Variants in ABCG1 observed in about 807,000 individuals in gnomAD.
The protein encoded by ABCG1 is ATP-binding cassette sub-family G member 1.
In ABCG1, 29 loss-of-function variants were observed where a neutral mutation model predicts 69.2. The observed-to-expected ratio is 0.42, with a 90% CI of 0.31 to 0.57. The LOEUF (loss-of-function observed/expected upper bound fraction) is 0.57. ABCG1 is among the 20% of genes least tolerant of loss of function. The pLI, the probability that ABCG1 is intolerant of heterozygous loss-of-function variation, is 0.15. For synonymous variants in ABCG1, 370 were observed against 374.8 expected, an observed-to-expected ratio of 0.99 and a Z score of 0.15; for missense variants, 718 against 898.1, an observed-to-expected ratio of 0.80 and a Z score of 2.56.
intron 5 of ABCG1, among the ~76,000 whole-genome samples, chr21:42,277,923 A>C (rs1288973646): frequency 6.6e-6 from 1 of 152,158 alleles, no homozygotes; most frequent in Admixed American, 6.5e-5. Context: ...TTTGGTATGG[A>C]AAAAAAGAGT....
At chr21:42,294,445 T>TG in intron 13 of ABCG1, 97 bp from the exon 14 acceptor site, 1 of 927,224 alleles carries the variant, frequency 1.1e-6, no homozygotes. Flanking sequence ...GAAGGTGCCC[T>TG]GGCCCTGCCC....
chr21:42,223,820 G>A (rs1222685217), intron 1 of ABCG1, among the ~76,000 whole-genome samples: 1 of 152,240 alleles, frequency 6.6e-6, no homozygotes, highest in Non-Finnish European at 1.5e-5. Flanking sequence ...GATGGGTGGT[G>A]TGGTGGCCAT....
chr21:42,264,188 T>A (rs2068462209), intron 2 of ABCG1, among the ~76,000 whole-genome samples: 1 of 152,180 alleles, frequency 6.6e-6, no homozygotes, highest in South Asian at 2.1e-4. Context: ...ATTCCAGCGT[T>A]ATCTCCTTAT....
Position 42,291,689 on chromosome 21 carries a change from G to A in ABCG1, c.1653+33G>A. ...CCCAGGAGGCGCTAAGTGAGGGCAT[G>A]ACGGCTGGGCTTCCCTGAGCTACCT... On this transcript the variant is annotated intron_variant, in intron 13 of 14. Transcript: ENST00000398449. This position sits in a 1 kb window ranked among gnomAD's most constrained non-coding sequence, Gnocchi z 6.4. 6.4e-7 allele frequency: 1 copy of A among 1,564,628 alleles called. No individual in the cohort carries two copies. Among genetic ancestry groups the A allele is most frequent in the Non-Finnish European group, 8.6e-7 (1 of 1,161,046 alleles).
At chr21:42,282,194 G>A in intron 5 of ABCG1, 80 bp from the exon 6 acceptor site, 1 of 1,546,570 alleles carries the variant, frequency 6.5e-7, no homozygotes, top group Non-Finnish European at 8.8e-7. Flanking sequence ...AGGGCGGCTG[G>A]CAGGTCTTCC....
chr21:42,275,454 G>A (rs144611950), intron 4 of ABCG1, among the ~76,000 whole-genome samples: 202 of 152,288 alleles, frequency 1.3e-3, no homozygotes, highest in African/African-American at 4.3e-3. Context: ...AGTTTTTCTT[G>A]ACCCTAATGT....
rs2069052615 is a variant in ABCG1, at chr21:42,291,262, A to G, written c.1494+70A>G. 1 of 1,338,706 alleles carries G rather than the reference A, an allele frequency of 7.5e-7. No homozygotes were observed. Among genetic ancestry groups the G allele is most frequent in the African/African-American group, 1.4e-5 (1 of 69,452 alleles). 82.9% of individuals were successfully genotyped at this position (1,338,706 alleles called of 1,614,324 possible). ...TCCTGTACACCCTTTATATCGAGTA[A>G]GAGGACCTGCCAGGGATGCAGGGTG... On this transcript the variant is annotated intron_variant, in intron 12 of 14. Coordinates refer to ENST00000398449, the MANE Select transcript of ABCG1 (RefSeq NM_016818.3). The surrounding 1 kb of genome is among the most constrained non-coding windows in gnomAD (Gnocchi z 6.4).
Position 42,275,862 on chromosome 21 carries a change from A to G in ABCG1, c.538-1033A>G, listed in dbSNP as rs7283570. On this transcript the variant is annotated intron_variant, in intron 4 of 14. Coordinates refer to ENST00000398449, the MANE Select transcript of ABCG1 (RefSeq NM_016818.3). ...TTGCGGAGTCCGGATCCCACATCAG[A>G]CACAGTTGTGCATGTTTATGCTTTT... 4.0e-3 allele frequency among the ~76,000 whole-genome samples: 602 copies of G among 152,344 alleles called. 7 individuals are homozygous for G. The highest frequency in any genetic ancestry group is 0.014 in the African/African-American group (583 of 41,578).
chr21:42,289,965 T>G, intron 10 of ABCG1, 85 bp from the exon 11 acceptor site: 1 of 1,497,924 alleles, frequency 6.7e-7, no homozygotes, highest in Non-Finnish European at 9.2e-7. Context: ...CAGGGTCCCA[T>G]GCTTCCAAAG....
Position 42,276,868 on chromosome 21 carries a change from C to T in ABCG1, c.538-27C>T, listed in dbSNP as rs2068721180. 1.2e-6 allele frequency: 2 copies of T among 1,613,764 alleles called. No homozygotes were observed. Among genetic ancestry groups the T allele is most frequent in the Non-Finnish European group, 1.7e-6 (2 of 1,179,744 alleles). ...CTGCCAGTGGCCGTCTGTTCTGCTT[C>T]CACACTGTTGTCCTTGTCCCCTGCA... On this transcript the variant is annotated intron_variant, in intron 4 of 14. Coordinates refer to ENST00000398449, the MANE Select transcript of ABCG1 (RefSeq NM_016818.3). The surrounding 1 kb of genome is among the most constrained non-coding windows in gnomAD (Gnocchi z 5.3).
At chr21:42,241,847 G>A (rs1443894364) in intron 2 of ABCG1, among the ~76,000 whole-genome samples, 1 of 150,406 alleles carries the variant, frequency 6.6e-6, no homozygotes, top group Non-Finnish European at 1.5e-5. Flanking sequence ...CAGGCATGGG[G>A]CATGCCTGTG....
rs931638019 is a variant in ABCG1 at position 42,287,791 on chromosome 21, G to A, written c.974-98G>A. The A allele has an allele frequency of 6.6e-5, 83 of 1,266,642 alleles. No homozygotes were observed. The highest frequency in any genetic ancestry group is 4.2e-4 in the South Asian group (27 of 64,120). 78.5% of individuals were successfully genotyped at this position (1,266,642 alleles called of 1,614,324 possible). A position where few individuals can be genotyped will look rare whatever the true frequency, so the allele number is the denominator to read the frequency against. On this transcript the variant is annotated intron_variant, in intron 8 of 14. Transcript: ENST00000398449. The surrounding 1 kb of genome is among the most constrained non-coding windows in gnomAD (Gnocchi z 6.2). The stretch of plus-strand genomic sequence containing the variant: ...ACCGCCACGCAGCATCTATGTAATC[G>A]CTTTAAAACATTCCCACTTGAATAA...
At chr21:42,252,499 C>G (rs1287203481) in intron 2 of ABCG1, among the ~76,000 whole-genome samples, 1 of 152,164 alleles carries the variant, frequency 6.6e-6, no homozygotes, top group Admixed American at 6.5e-5. Flanking sequence ...GGCCGCCGGG[C>G]AGCTGGGGCA....
upstream of ABCG1, among the ~76,000 whole-genome samples, chr21:42,215,371 G>T (rs2067628836): frequency 6.6e-6 from 1 of 152,210 alleles, no homozygotes; most frequent in East Asian, 1.9e-4. Flanking sequence ...GCAGCTGGAA[G>T]TCCACAGAAA....
intron 5 of ABCG1, among the ~76,000 whole-genome samples, chr21:42,277,735 G>A (rs2068735938): frequency 6.6e-6 from 1 of 152,268 alleles, no homozygotes; most frequent in South Asian, 2.1e-4. Context: ...GCAGCTGAGA[G>A]TGGGGTTTGC....
In ABCG1 at chr21:42,207,217, A is replaced by G. The variant is rs573616458; in HGVS notation, c.48+5494A>G. ...TCAGCCCCACTTCTGGGCTTCTGTTAGATCTGTATATACAGTCCTACAGGC... is the reference window on the plus strand; with the variant it reads ...TCAGCCCCACTTCTGGGCTTCTGTTGGATCTGTATATACAGTCCTACAGGC... On this transcript the variant is annotated intron_variant, in intron 2 of 15. Coordinates refer to the ABCG1 transcript ENST00000398457. 2.6e-5 allele frequency among the ~76,000 whole-genome samples: 4 copies of G among 152,268 alleles called. No individual in the cohort carries two copies. The East Asian group carries it at 7.7e-4, about 29-fold the overall frequency.
At position 42,288,710 on chromosome 21, in the gene ABCG1, AAAAG is replaced by A. The variant is rs1196772161; in HGVS notation, c.1224+407_1224+410del. Among the ~76,000 whole-genome samples the A allele has an allele frequency of 6.6e-6, 1 of 152,052 alleles. No individual in the cohort carries two copies. The highest frequency in any genetic ancestry group is 1.5e-5 in the Non-Finnish European group (1 of 68,008). On this transcript the variant is annotated intron_variant, in intron 10 of 14. Transcript: ENST00000398449. This position sits in a 1 kb window ranked among gnomAD's most constrained non-coding sequence, Gnocchi z 4.8. ...GTGACAGAGAGAGACTCCCATCTGAAAAAGAAAGAAAGGAAAGAAAGGAAGGGAA... is the reference window on the plus strand; with the variant it reads ...GTGACAGAGAGAGACTCCCATCTGAAAAAGAAAGGAAAGAAAGGAAGGGAA...
At chr21:42,239,526 G>A (rs2068020940) in intron 2 of ABCG1, among the ~76,000 whole-genome samples, 1 of 152,266 alleles carries the variant, frequency 6.6e-6, no homozygotes, top group African/African-American at 2.4e-5. Flanking sequence ...GCGCCGGGCA[G>A]TGTGCTCAGA....
At position 42,296,219 on chromosome 21, in the gene ABCG1, C is replaced by A. The variant is rs761179577; in HGVS notation, c.1828C>A (p.His610Asn). The change falls in exon 15 of 15, where the codon CAC (histidine) becomes AAC (asparagine). Residue 610 changes from histidine (H) to asparagine (N), a missense_variant. By Grantham distance (68) the His-to-Asn change is moderately conservative (BLOSUM62 1). Around this residue, in one of 2 missense-constraint regions of ABCG1, gnomAD observed 204 missense variants for 323.8 expected, o/e 0.63. Transcript: ENST00000398449. The surrounding 1 kb of genome is among the most constrained non-coding windows in gnomAD (Gnocchi z 5.4). ...CTATGGCTTAGACCGGGAAGATCTG[C>A]ACTGTGACATCGACGAGACGTGCCA... ...SIYGLDREDL[H>N]CDIDETCHFQ... 1 of 1,614,146 alleles carries A rather than the reference C, an allele frequency of 6.2e-7. No individual in the cohort carries two copies. The highest frequency in any genetic ancestry group is 2.2e-5 in the East Asian group (1 of 44,880).
Sources: allele counts gnomAD v4.1 joint callset (sites outside exome capture counted in the v4.1 genomes callset), GRCh38; gene constraint gnomAD v4.1.1; regional missense constraint gnomAD v4.1.1; non-coding constraint Gnocchi (gnomAD v3.1); transcripts MANE v1.5; gene names NCBI Gene and HGNC (gene_info 2026-07-23, HGNC 2026-07-21).